Variants in DLG2 observed in about 807,000 individuals in gnomAD.
The protein encoded by DLG2 is disks large homolog 2.
DLG2 carries 45 observed loss-of-function variants against 132.5 expected under a neutral mutation model. The observed-to-expected ratio is 0.34, with a 90% CI of 0.27 to 0.44. The LOEUF (loss-of-function observed/expected upper bound fraction) is 0.44, where lower values mean the gene tolerates loss of function less well. Ranked by LOEUF, DLG2 falls within the 20% of genes least tolerant of loss-of-function variation. The probability of loss-of-function intolerance (pLI) is 1.00; values close to 1 mark genes in which losing one functional copy is unlikely to be tolerated. For synonymous variants in DLG2, 424 were observed against 419.6 expected (o/e 1.01, Z -0.13); for missense variants, 1,045 against 1,196.9 (o/e 0.87, Z 1.87).
intron 15 of DLG2, among the ~76,000 whole-genome samples, chr11:83,929,396 C>T (rs1565681405): frequency 1.3e-5 from 2 of 152,246 alleles, no homozygotes; most frequent in Non-Finnish European, 2.9e-5. Context: ...CAATTGGGAT[C>T]TCTGTTTAGA....
intron 7 of DLG2, among the ~76,000 whole-genome samples, chr11:84,430,450 G>GAA (rs1320091995): frequency 5.7e-5 from 6 of 104,798 alleles, no homozygotes; most frequent in East Asian, 2.2e-4. Context: ...AAAAAAAAAA[G>GAA]AAAAGAAAAA....
intron 3 of DLG2, among the ~76,000 whole-genome samples, chr11:85,570,812 T>C (rs1297904186): frequency 1.3e-5 from 2 of 152,236 alleles, no homozygotes; most frequent in South Asian, 4.1e-4. Flanking sequence ...TTCCTCTCTG[T>C]TCCTCAAATT....
In DLG2 at chr11:83,653,072, TTCCCAA is replaced by T. The variant is rs1321749953; in HGVS notation, c.1826-19753_1826-19748del. 2.0e-4 allele frequency among the ~76,000 whole-genome samples: 31 copies of T among 152,320 alleles called. No individual in the cohort carries two copies. In the East Asian group the frequency reaches 5.8e-3, roughly 28 times the overall value. On this transcript the variant is annotated intron_variant, in intron 18 of 27. Transcript: ENST00000376104. ...AGAAGTGGAACCCCAATCTAATAACTTCCCAATGCTGTACGCAACTTCATTCATGTA... is the reference window on the plus strand; with the variant it reads ...AGAAGTGGAACCCCAATCTAATAACTTGCTGTACGCAACTTCATTCATGTA...
intron 3 of DLG2, among the ~76,000 whole-genome samples, chr11:85,334,647 G>A (rs2082003452): frequency 6.6e-6 from 1 of 152,036 alleles, no homozygotes; most frequent in Non-Finnish European, 1.5e-5. Flanking sequence ...TGGTTCTAAA[G>A]AATTGTTTGA....
intron 3 of DLG2, among the ~76,000 whole-genome samples, chr11:85,474,239 A>G (rs1396909164): frequency 6.6e-6 from 1 of 152,032 alleles, no homozygotes; most frequent in Non-Finnish European, 1.5e-5. Context: ...AGACTAATTT[A>G]CCAAAAAAAT....
chr11:84,569,383 G>T (rs1437841269), intron 6 of DLG2, among the ~76,000 whole-genome samples: 2 of 151,988 alleles, frequency 1.3e-5, no homozygotes, highest in Non-Finnish European at 2.9e-5. Flanking sequence ...ACAGTTCCAG[G>T]ATCAGAACCA....
At chr11:84,090,151 C>T (rs1225436460) in intron 10 of DLG2, among the ~76,000 whole-genome samples, 7 of 152,078 alleles carry the variant, frequency 4.6e-5, no homozygotes, top group African/African-American at 7.2e-5. Context: ...CGGTGGCTCA[C>T]GCCTGTAATC....
intron 6 of DLG2, among the ~76,000 whole-genome samples, chr11:84,874,353 T>C (rs778242285): frequency 1.4e-4 from 21 of 152,098 alleles, no homozygotes; most frequent in Admixed American, 2.6e-4. Flanking sequence ...GCAAGAAGCA[T>C]GTGCAAAGAT....
At chr11:85,560,548 G>C (rs147035351) in intron 3 of DLG2, among the ~76,000 whole-genome samples, 1 of 151,710 alleles carries the variant, frequency 6.6e-6, no homozygotes, top group Non-Finnish European at 1.5e-5. Flanking sequence ...TATACAAACA[G>C]AAAGTAAATC....
At chr11:85,107,904 G>C (rs1218044313) in intron 6 of DLG2, among the ~76,000 whole-genome samples, 2 of 110,316 alleles carry the variant, frequency 1.8e-5, no homozygotes, top group African/African-American at 3.5e-5. Context: ...GTACATTATA[G>C]TTACTACTGA....
chr11:84,519,580 C>A (rs1440779601), intron 7 of DLG2, among the ~76,000 whole-genome samples: 7 of 152,142 alleles, frequency 4.6e-5, no homozygotes, highest in Admixed American at 3.9e-4. Flanking sequence ...CAAATGTACC[C>A]TAAAATCCTT....
chr11:83,779,964 C>T (rs1211882555), intron 18 of DLG2, among the ~76,000 whole-genome samples: 1 of 152,126 alleles, frequency 6.6e-6, no homozygotes, highest in African/African-American at 2.4e-5. Context: ...AAGTCGTGTA[C>T]GGTACTTTCT....
chr11:84,378,187 AT>A (rs2098736620), intron 7 of DLG2, among the ~76,000 whole-genome samples: 1 of 152,112 alleles, frequency 6.6e-6, no homozygotes, highest in Non-Finnish European at 1.5e-5. Context: ...TAGGGCTGTG[AT>A]TTATTAGGAT....
rs948722339 is a variant in DLG2 at position 83,456,788 on chromosome 11, G to A, written c.*3030C>T. On this transcript the variant is annotated 3_prime_UTR_variant, in exon 28 of 28. Coordinates refer to ENST00000376104, the MANE Select transcript of DLG2 (RefSeq NM_001142699.3). ...GGCTCGGAGTCCTGAAGGGCCGGCAGTAGGATCTAAGACAGCGCACAGAGG... is the reference window on the plus strand; with the variant it reads ...GGCTCGGAGTCCTGAAGGGCCGGCAATAGGATCTAAGACAGCGCACAGAGG... The A allele has an allele frequency of 2.6e-5, 4 of 152,244 alleles. No individual in the cohort carries two copies. The highest frequency in any genetic ancestry group is 2.1e-4 in the South Asian group (1 of 4,832). The allele number at this position is 152,244 out of a possible 1,614,324, so 9.4% of individuals were successfully genotyped here. A position where few individuals can be genotyped will look rare whatever the true frequency, so the allele number is the denominator to read the frequency against.
chr11:85,463,439 G>A lies in DLG2; in HGVS notation c.40+135218C>T, dbSNP rs189096118. Among the ~76,000 whole-genome samples the A allele has an allele frequency of 2.0e-5, 3 of 152,216 alleles. No individual in the cohort carries two copies. The East Asian group carries it at 5.8e-4, about 29-fold the overall frequency. ...AGTACACCACACAAGAAGAAGGAGA[G>A]ATAAAAGGAAGATAATAGAAATAAG... is the stretch of plus-strand genomic sequence containing the variant. On this transcript the variant is annotated intron_variant, in intron 3 of 27. Transcript: ENST00000376104.
chr11:84,635,227 G>A (rs752249061), intron 6 of DLG2, among the ~76,000 whole-genome samples: 2 of 152,074 alleles, frequency 1.3e-5, no homozygotes, highest in African/African-American at 2.4e-5. Context: ...CAGCTCCACT[G>A]GGCATCTGTT....
At chr11:85,151,699 T>C (rs527965161) in intron 5 of DLG2, among the ~76,000 whole-genome samples, 2 of 152,276 alleles carry the variant, frequency 1.3e-5, no homozygotes, top group Non-Finnish European at 2.9e-5. Flanking sequence ...TTGCCATACA[T>C]GCAAGGGTCT....
chr11:84,501,339 T>G (rs1365772078), intron 7 of DLG2, among the ~76,000 whole-genome samples: 1 of 152,114 alleles, frequency 6.6e-6, no homozygotes, highest in Non-Finnish European at 1.5e-5. Context: ...CCAAGGCAGG[T>G]GGATCACCTG....
chr11:83,477,332 A>G (rs564536001), intron 22 of DLG2, among the ~76,000 whole-genome samples: 1 of 152,276 alleles, frequency 6.6e-6, no homozygotes, highest in East Asian at 1.9e-4. Flanking sequence ...TAATTAAGAT[A>G]GTTTTGAGGT....
Sources: gnomAD v4.1 joint callset for allele counts (sites outside exome capture counted in the v4.1 genomes callset) on GRCh38, gnomAD v4.1.1 for gene constraint, MANE v1.5 for transcripts, NCBI Gene and HGNC (gene_info 2026-07-23, HGNC 2026-07-21) for gene names.